NDUFS2: variants seen among roughly 807,000 people sequenced by gnomAD.
NDUFS2 encodes the protein NADH dehydrogenase [ubiquinone] iron-sulfur protein 2, mitochondrial.
NDUFS2 carries 38 observed loss-of-function variants against 69.6 expected under a neutral mutation model. The ratio of observed to expected loss-of-function variants is 0.55; its 90% CI spans 0.42 to 0.72. The LOEUF (loss-of-function observed/expected upper bound fraction) is 0.72, where lower values mean the gene tolerates loss of function less well. Ranked by LOEUF, NDUFS2 falls within the 30% of genes least tolerant of loss-of-function variation. The probability of loss-of-function intolerance (pLI) is 0.00; values close to 1 mark genes in which losing one functional copy is unlikely to be tolerated. For missense variants in NDUFS2, 468 were observed against 595.0 expected (o/e 0.79, Z 2.22); for synonymous variants, 194 against 211.2 (o/e 0.92, Z 0.70).
At position 161,213,726 on chromosome 1, in the gene NDUFS2, C is replaced by T. The variant is rs1136207; in HGVS notation, c.1290C>T (p.Ala430=). 222,520 of 1,613,872 alleles carry T rather than the reference C, an allele frequency of 0.14. 17,249 individuals carry two copies. Among genetic ancestry groups the T allele is most frequent in the East Asian group, 0.33 (14,599 of 44,864 alleles). ...GCAAGATCAAGGCTCCTGGTTTTGC[C>T]CATCTGGTAAGAATCAATCCCAGTA... is the stretch of plus-strand genomic sequence containing the variant. The part of the protein sequence containing the change: ...YRCKIKAPGF[A]HLAGLDKMSK... Residue 430 remains alanine (A), a synonymous_variant, in exon 12 of 14, where the codon GCC becomes GCT. Transcript: ENST00000676972.
At chr1:161,202,171 G>A, upstream of NDUFS2, 1 of 607,344 alleles carries the variant, frequency 1.6e-6, no homozygotes. Context: ...AGCTGTGGGA[G>A]GAAACGCCCT....
At chr1:161,204,580 C>T (rs72714918) in intron 2 of NDUFS2, among the ~76,000 whole-genome samples, 2,614 of 152,292 alleles carry the variant, frequency 0.017, 32 homozygotes, top group Non-Finnish European at 0.029. Flanking sequence ...CATTATTTTA[C>T]CATGTTATTC....
At chr1:161,206,693 G>C in intron 3 of NDUFS2, 96 bp downstream of exon 3, 2 of 1,302,674 alleles carry the variant, frequency 1.5e-6, no homozygotes, top group South Asian at 2.6e-5. Flanking sequence ...AGGGGAGGAA[G>C]GTGTTGAGAG....
At chr1:161,207,976 ATTTTTTTT>A (rs965466967) in intron 3 of NDUFS2, among the ~76,000 whole-genome samples, 3 of 88,780 alleles carry the variant, frequency 3.4e-5, no homozygotes, top group Admixed American at 1.2e-4. Context: ...TGCCTGGCTA[ATTTTTTTT>A]TTTTTTTTTT....
rs765847267 is a variant in NDUFS2 at position 161,213,672 on chromosome 1, G to A, written c.1236G>A (p.Val412=). Residue 412 remains valine (V), a synonymous_variant, in exon 12 of 14, where the codon GTG becomes GTA. Coordinates refer to ENST00000676972, the MANE Select transcript of NDUFS2 (RefSeq NM_001377299.1). ...APKGEFGVYL[V]SDGSSRPYRC... Reference sequence around the variant, plus strand: ...AGGGAGAGTTTGGGGTGTACCTGGTGTCTGATGGCAGCAGCCGCCCTTATC... The same window carrying A: ...AGGGAGAGTTTGGGGTGTACCTGGTATCTGATGGCAGCAGCCGCCCTTATC... 1 of 1,614,226 alleles carries A rather than the reference G, an allele frequency of 6.2e-7. No homozygotes were observed. Among genetic ancestry groups the A allele is most frequent in the Admixed American group, 1.7e-5 (1 of 60,022 alleles).
rs567822685 is a variant in NDUFS2 at position 161,209,413 on chromosome 1, G to C, written c.515-70G>C. The C allele has an allele frequency of 1.9e-6, 3 of 1,609,096 alleles. No homozygotes were observed. The South Asian group carries it at 3.3e-5, about 18-fold the overall frequency. On this transcript the variant is annotated intron_variant, in intron 4 of 13. Transcript: ENST00000676972. ...CCCAAGCTTAGTGTTCAGACCCCAG[G>C]CTCTGCCCAGACCTCTCTGTCCGCC...
chr1:161,209,753 T>C, intron 5 of NDUFS2, 104 bp from the exon 6 acceptor site: 1 of 1,336,824 alleles, frequency 7.5e-7, no homozygotes. Context: ...AACTATATCA[T>C]GAGGGGTTGG....
rs753456440 is a variant in NDUFS2 at position 161,203,522 on chromosome 1, T to A, written c.181T>A (p.Trp61Arg). ...VMYPSKETAH[W>R]KPPPWNDVDP... ...GTACCCAAGCAAAGAAACAGCCCAC[T>A]GGAAGCCTCCACCTTGGAATGGTGA... The change falls in exon 2 of 14, where the codon TGG becomes AGG. Residue 61 changes from tryptophan to arginine, a missense_variant. This residue lies in a region of NDUFS2 where 339 missense variants were observed against 433.8 expected (regional missense o/e 0.78). Coordinates refer to ENST00000676972, the MANE Select transcript of NDUFS2 (RefSeq NM_001377299.1). The A allele has an allele frequency of 1.2e-6, 2 of 1,613,652 alleles. No homozygotes were observed. Among genetic ancestry groups the A allele is most frequent in the African/African-American group, 2.7e-5 (2 of 74,932 alleles).
Position 161,213,661 on chromosome 1 carries a change from G to T in NDUFS2, c.1225G>T (p.Val409Leu). 1.9e-6 allele frequency: 3 copies of T among 1,614,182 alleles called. No homozygotes were observed. In the South Asian group the frequency reaches 3.3e-5, roughly 18 times the overall value. Residue 409 changes from valine (V) to leucine (L), a missense_variant, in exon 12 of 14, where the codon GTG becomes TTG. By Grantham distance (32) the Val-to-Leu change is conservative. Transcript: ENST00000676972. The stretch of plus-strand genomic sequence containing the variant: ...CTTCCTTGAACAGGGAGAGTTTGGG[G>T]TGTACCTGGTGTCTGATGGCAGCAG... ...AIEAPKGEFG[V>L]YLVSDGSSRP... is the part of the protein sequence containing the mutation.
rs1665303980 is a variant in NDUFS2, at chr1:161,203,762, A to G, written c.202+219A>G. 7.1e-6 allele frequency: 4 copies of G among 564,030 alleles called. No individual in the cohort carries two copies. In the South Asian group the frequency reaches 7.8e-5, roughly 11 times the overall value. The allele number at this position is 564,030 out of a possible 1,614,324, so 34.9% of individuals were successfully genotyped here. A position where few individuals can be genotyped will look rare whatever the true frequency, so the allele number is the denominator to read the frequency against. ...CAGGCCTGTGCCACCACAACTGGCT[A>G]ATTTTGAAAATTTTCCTTTTGTAGA... On this transcript the variant is annotated intron_variant, in intron 2 of 13. Transcript: ENST00000676972.
intron 3 of NDUFS2, among the ~76,000 whole-genome samples, chr1:161,207,843 C>T (rs1571611498): frequency 6.6e-6 from 1 of 151,184 alleles, no homozygotes; most frequent in Non-Finnish European, 1.5e-5. Flanking sequence ...TACGGAGTCT[C>T]GCTCTGTCGC....
At chr1:161,205,581 C>T (rs1376090523) in intron 2 of NDUFS2, among the ~76,000 whole-genome samples, 2 of 152,104 alleles carry the variant, frequency 1.3e-5, no homozygotes, top group Non-Finnish European at 2.9e-5. Context: ...TAGTTTTTCA[C>T]ATGTACTTCT....
At chr1:161,204,593 A>G (rs1665352109) in intron 2 of NDUFS2, among the ~76,000 whole-genome samples, 1 of 152,056 alleles carries the variant, frequency 6.6e-6, no homozygotes, top group African/African-American at 2.4e-5. Flanking sequence ...TGTTATTCAT[A>G]CTCTTGCTCC....
At position 161,213,719 on chromosome 1, in the gene NDUFS2, GT is replaced by G; in HGVS notation, c.1287del (p.Phe429LeufsTer23). On this transcript the variant is annotated frameshift_variant, in exon 12 of 14. Transcript: ENST00000676972. LOFTEE classifies it high-confidence loss of function. Reference sequence around the variant, plus strand: ...TATCGATGCAAGATCAAGGCTCCTGGTTTTGCCCATCTGGTAAGAATCAATC... The same window carrying G: ...TATCGATGCAAGATCAAGGCTCCTGGTTTGCCCATCTGGTAAGAATCAATC... ...RPYRCKIKAP[G>X]FAHLAGLDKM... is the part of the protein sequence containing the mutation. 6.2e-7 allele frequency: 1 copy of G among 1,614,192 alleles called. No individual in the cohort carries two copies. The highest frequency in any genetic ancestry group is 8.5e-7 in the Non-Finnish European group (1 of 1,180,040).
upstream of NDUFS2, chr1:161,198,414 G>A (rs1230770895): frequency 3.1e-6 from 5 of 1,603,098 alleles, no homozygotes; most frequent in Non-Finnish European, 4.3e-6. This position sits in a 1 kb window ranked among gnomAD's most constrained non-coding sequence, Gnocchi z 4.7. Flanking sequence ...GAGCCAGGCA[G>A]GACGCTGCCG....
At chr1:161,214,105 C>T in intron 13 of NDUFS2, 51 bp from the exon 14 acceptor site, 1 of 1,613,942 alleles carries the variant, frequency 6.2e-7, no homozygotes, top group Non-Finnish European at 8.5e-7. Flanking sequence ...TGTTTTGCCT[C>T]ACAACAGGAA....
In NDUFS2 at chr1:161,210,723, T is replaced by A. The variant is rs574804950; in HGVS notation, c.986+13T>A. ...ACTGCTATGATAGGTAAGGCCCCAA[T>A]CCTTTCTTGGCTGATATTCCAGCTA... On this transcript the variant is annotated intron_variant, in intron 9 of 13. Transcript: ENST00000676972. 186 of 1,614,000 alleles carry A rather than the reference T, an allele frequency of 1.2e-4. No individual in the cohort carries two copies. The South Asian group carries it at 1.8e-3, about 15-fold the overall frequency.
chr1:161,214,175 T>C lies in NDUFS2; in HGVS notation c.1374T>C (p.Phe458=), dbSNP rs771658834. ...ACCTAGGTACCCAAGATATTGTATT[T>C]GGAGAAGTAGATCGGTGAGCAGGGG... is the stretch of plus-strand genomic sequence containing the variant. ...VAIIGTQDIV[F]GEVDR Residue 458 remains phenylalanine, a synonymous_variant, in exon 14 of 14, where the codon TTT becomes TTC. Coordinates refer to ENST00000676972, the MANE Select transcript of NDUFS2 (RefSeq NM_001377299.1). 10 of 1,613,814 alleles carry C rather than the reference T, an allele frequency of 6.2e-6. No individual in the cohort carries two copies. The highest frequency in any genetic ancestry group is 8.5e-6 in the Non-Finnish European group (10 of 1,179,844).
At chr1:161,209,450 CT>C in intron 4 of NDUFS2, 32 bp from the exon 5 acceptor site, 1 of 1,610,724 alleles carries the variant, frequency 6.2e-7, no homozygotes, top group Non-Finnish European at 8.5e-7. Context: ...CAGTGCTTGG[CT>C]CCTATATCCT....
Sources: gnomAD v4.1 joint callset for allele counts (sites outside exome capture counted in the v4.1 genomes callset) on GRCh38, gnomAD v4.1.1 for gene constraint, gnomAD v4.1.1 regional missense constraint, Gnocchi (gnomAD v3.1) non-coding constraint, MANE v1.5 for transcripts, NCBI Gene and HGNC (gene_info 2026-07-23, HGNC 2026-07-21) for gene names.